The following PLSCR5 variants were observed in gnomAD, a reference collection of about 807,000 sequenced individuals.
PLSCR5 encodes phospholipid scramblase family member 5.
In PLSCR5, 44 loss-of-function variants were observed where a neutral mutation model predicts 33.6. The observed-to-expected ratio is 1.31, with a 90% confidence interval of 1.03 to 1.69. PLSCR5 has a LOEUF of 1.69. Ranked by LOEUF, PLSCR5 falls within the 40% of genes most tolerant of loss-of-function variation. PLSCR5 has a pLI of 0.00. For missense variants in PLSCR5, 375 were observed against 318.7 expected (o/e 1.18, Z -1.34); for synonymous variants, 148 against 112.3 (o/e 1.32, Z -2.01).
At chr3:146,597,735 G>A (rs539066821) in intron 2 of PLSCR5, among the ~76,000 whole-genome samples, 1 of 152,008 alleles carries the variant, frequency 6.6e-6, no homozygotes, top group Non-Finnish European at 1.5e-5. Context: ...TATACGTTTA[G>A]GTGTCATGGC....
chr3:146,600,646 G>A (rs748572196), intron 1 of PLSCR5, among the ~76,000 whole-genome samples, 183 bp from the exon 2 acceptor site: 5 of 151,840 alleles, frequency 3.3e-5, no homozygotes, highest in East Asian at 1.9e-4. Flanking sequence ...TAGAAAAAAC[G>A]AAACGCAGAA....
At chr3:146,604,772 G>A (rs774343367) in intron 1 of PLSCR5, among the ~76,000 whole-genome samples, 1 of 151,838 alleles carries the variant, frequency 6.6e-6, no homozygotes, top group Non-Finnish European at 1.5e-5. Context: ...TACCTACTAT[G>A]TACCCACATA....
downstream of PLSCR5, among the ~76,000 whole-genome samples, chr3:146,581,351 C>A (rs1209447548): frequency 6.6e-6 from 1 of 152,104 alleles, no homozygotes; most frequent in East Asian, 1.9e-4. Context: ...GTAACCTTAA[C>A]GTGTTGTTAT....
intron 2 of PLSCR5, among the ~76,000 whole-genome samples, 164 bp from the exon 3 acceptor site, chr3:146,595,247 A>G (rs752171020): frequency 1.6e-4 from 24 of 151,064 alleles, no homozygotes; most frequent in Non-Finnish European, 3.1e-4. Flanking sequence ...AATGCAAAAG[A>G]ACGTAATTTT....
intron 7 of PLSCR5, among the ~76,000 whole-genome samples, chr3:146,580,533 C>T (rs1471641047): frequency 8.0e-6 from 1 of 124,720 alleles, no homozygotes; most frequent in Non-Finnish European, 1.6e-5. Context: ...GGTACGATTT[C>T]GGCTCACTGC....
intron 2 of PLSCR5, among the ~76,000 whole-genome samples, chr3:146,599,367 A>G (rs2044790538): frequency 6.6e-6 from 1 of 152,096 alleles, no homozygotes; most frequent in Non-Finnish European, 1.5e-5. Context: ...TCCTTTTGAG[A>G]TTCAGTTGAA....
At chr3:146,604,389 A>C (rs982450847) in intron 1 of PLSCR5, among the ~76,000 whole-genome samples, 6 of 152,050 alleles carry the variant, frequency 3.9e-5, no homozygotes, top group African/African-American at 4.8e-5. Context: ...TTTGAGAAAA[A>C]ACTCATCAGT....
At chr3:146,578,070 A>G (rs1047621580) in intron 7 of PLSCR5, among the ~76,000 whole-genome samples, 3 of 121,050 alleles carry the variant, frequency 2.5e-5, no homozygotes, top group African/African-American at 9.6e-5. Flanking sequence ...TGCCAAAATG[A>G]ATACTGACAT....
At chr3:146,589,570 G>A in intron 6 of PLSCR5, 83 bp downstream of exon 6, 1 of 1,244,100 alleles carries the variant, frequency 8.0e-7, no homozygotes, top group Non-Finnish European at 1.1e-6. Context: ...GGTAAAAACT[G>A]TGTAAATGGG....
intron 6 of PLSCR5, among the ~76,000 whole-genome samples, chr3:146,587,570 T>G (rs773847143): frequency 6.1e-4 from 92 of 151,908 alleles, no homozygotes; most frequent in Non-Finnish European, 1.1e-3. Flanking sequence ...GAAGTCAGAA[T>G]GATCAAAGAT....
chr3:146,605,268 C>A lies in PLSCR5; in HGVS notation c.-56G>T. ...GCCAGGTTGGAAAACAAAGGCTTTT[C>A]TTGTTGCAGCAAGGAGAGAAAACGC... On this transcript the variant is annotated 5_prime_UTR_variant, in exon 1 of 8. It introduces an in-frame stop codon into an upstream open reading frame of the 5' UTR. Transcript: ENST00000443512. 6.2e-7 allele frequency: 1 copy of A among 1,608,740 alleles called. No homozygotes were observed. The highest frequency in any genetic ancestry group is 8.5e-7 in the Non-Finnish European group (1 of 1,177,234).
intron 7 of PLSCR5, among the ~76,000 whole-genome samples, chr3:146,578,835 A>G (rs576842529): frequency 7.2e-5 from 11 of 152,260 alleles, no homozygotes; most frequent in South Asian, 2.1e-4. Context: ...TAAAAACAAT[A>G]TATTTATAAT....
intron 6 of PLSCR5, among the ~76,000 whole-genome samples, chr3:146,588,386 G>A (rs1179372633): frequency 1.1e-4 from 17 of 152,124 alleles, no homozygotes; most frequent in East Asian, 3.9e-4. Flanking sequence ...CAGGAGAATC[G>A]CTTGAACCTG....
At chr3:146,598,951 A>G (rs1194434490) in intron 2 of PLSCR5, among the ~76,000 whole-genome samples, 1 of 152,226 alleles carries the variant, frequency 6.6e-6, no homozygotes, top group Non-Finnish European at 1.5e-5. Flanking sequence ...ATCAGGCATA[A>G]CAGAAATCTC....
chr3:146,605,328 C>A lies in PLSCR5; in HGVS notation c.-116G>T. The A allele has an allele frequency of 6.4e-7, 1 of 1,564,032 alleles. No homozygotes were observed. The highest frequency in any genetic ancestry group is 8.7e-7 in the Non-Finnish European group (1 of 1,154,136). ...AAAACTTCAGAACGTGTTTGTCTGC[C>A]TCTTGTCAGCTTACATATAACAGAG... On this transcript the variant is annotated 5_prime_UTR_variant, in exon 1 of 8. The change creates a new upstream start codon in the 5' untranslated region. Coordinates refer to ENST00000443512, the MANE Select transcript of PLSCR5 (RefSeq NM_001085420.2).
rs1230476225 is a variant in PLSCR5, at chr3:146,589,805, T to C, written c.625A>G (p.Ile209Val). 1.3e-6 allele frequency: 2 copies of C among 1,544,988 alleles called. No individual in the cohort carries two copies. The highest frequency in any genetic ancestry group is 1.7e-4 in the Middle Eastern group (1 of 5,788). Reference sequence around the variant, plus strand: ...TTCCCAATTGTAAGCTTTTCATTAATGGTTTTCACCTTTAGAAAGAAAATA... The same window carrying C: ...TTCCCAATTGTAAGCTTTTCATTAACGGTTTTCACCTTTAGAAAGAAAATA... ...FGDVDFEVKT[I>V]NEKLTIGKIS... Residue 209 changes from isoleucine to valine, a missense_variant, in exon 6 of 8, where the codon ATT (isoleucine) becomes GTT (valine). By Grantham distance (29) the Ile-to-Val change is conservative. Transcript: ENST00000443512.
chr3:146,595,275 G>C (rs571072389), intron 2 of PLSCR5, among the ~76,000 whole-genome samples, 192 bp from the exon 3 acceptor site: 1 of 151,982 alleles, frequency 6.6e-6, no homozygotes, highest in South Asian at 2.1e-4. Context: ...ATTTAAAGAA[G>C]AATTTAGAAG....
chr3:146,594,145 T>C lies in PLSCR5; in HGVS notation c.233-5A>G. 6.3e-7 allele frequency: 1 copy of C among 1,580,096 alleles called. No homozygotes were observed. The highest frequency in any genetic ancestry group is 2.3e-5 in the East Asian group (1 of 44,438). On this transcript the variant is annotated splice_polypyrimidine_tract_variant and splice_region_variant and intron_variant, in intron 3 of 7. Transcript: ENST00000443512. The stretch of plus-strand genomic sequence containing the variant: ...AGGTCTCAGTACCAAGTATCACTAA[T>C]GGAACAAAAAAAAAATTATAAAAAC...
chr3:146,591,695 ACTT>A, intron 5 of PLSCR5, 22 bp downstream of exon 5: 1 of 1,591,000 alleles, frequency 6.3e-7, no homozygotes, highest in Non-Finnish European at 8.5e-7. Context: ...CTAAATGAAA[ACTT>A]CTTTCATTTT....
Sources: allele counts gnomAD v4.1 joint callset (sites outside exome capture counted in the v4.1 genomes callset), GRCh38; gene constraint gnomAD v4.1.1; transcripts MANE v1.5; gene names NCBI Gene and HGNC (gene_info 2026-07-23, HGNC 2026-07-21).